Variants in THSD7B observed in about 807,000 individuals in gnomAD.
The protein encoded by THSD7B is thrombospondin type 1 domain containing 7B.
THSD7B carries 138 observed loss-of-function variants against 213.6 expected under a neutral mutation model. The ratio of observed to expected loss-of-function variants is 0.65; its 90% CI spans 0.56 to 0.74. THSD7B has a LOEUF of 0.74. THSD7B is among the 30% of genes least tolerant of loss of function. The pLI is 0.00. For missense variants in THSD7B, 1,931 were observed against 1,991.5 expected (o/e 0.97, Z 0.58); for synonymous variants, 742 against 687.0 (o/e 1.08, Z -1.25).
intron 12 of THSD7B, among the ~76,000 whole-genome samples, chr2:137,377,800 T>C (rs1355648308): frequency 2.6e-5 from 4 of 152,026 alleles, no homozygotes; most frequent in African/African-American, 9.7e-5. Flanking sequence ...CTAATTTTTG[T>C]GTCTTTAGTA....
chr2:137,649,011 G>A (rs565234770), intron 21 of THSD7B, among the ~76,000 whole-genome samples: 2 of 152,204 alleles, frequency 1.3e-5, no homozygotes, highest in East Asian at 3.9e-4. Context: ...ACATTTTTCT[G>A]ATAAGTACTA....
chr2:137,505,345 T>G (rs1679810029), intron 15 of THSD7B, among the ~76,000 whole-genome samples: 1 of 152,262 alleles, frequency 6.6e-6, no homozygotes, highest in African/African-American at 2.4e-5. Flanking sequence ...CATGAGCTTC[T>G]GTGGCTCCAA....
intron 12 of THSD7B, among the ~76,000 whole-genome samples, chr2:137,347,476 T>C (rs1684900006): frequency 6.6e-6 from 1 of 150,794 alleles, no homozygotes; most frequent in South Asian, 2.1e-4. Context: ...GGAGCTGGAG[T>C]GATGGTACCA....
At chr2:137,625,264 G>A (rs1231221322) in intron 20 of THSD7B, among the ~76,000 whole-genome samples, 1 of 139,636 alleles carries the variant, frequency 7.2e-6, no homozygotes, top group African/African-American at 2.7e-5. Context: ...TCACAGGTGG[G>A]AATTGAACAA....
In THSD7B at chr2:137,137,267, A is replaced by T. The variant is rs551943150; in HGVS notation, c.1369+21974A>T. Among the ~76,000 whole-genome samples the T allele has an allele frequency of 4.6e-5, 7 of 152,202 alleles. No homozygotes were observed. The East Asian group carries it at 1.2e-3, about 25-fold the overall frequency. Reference sequence around the variant, plus strand: ...AGAAGGTTTCCTTCCGCCCCTTCCCAGTTAACTCATTCCACTTCCAGTCCT... The same window carrying T: ...AGAAGGTTTCCTTCCGCCCCTTCCCTGTTAACTCATTCCACTTCCAGTCCT... On this transcript the variant is annotated intron_variant, in intron 5 of 27. Coordinates refer to ENST00000409968, the MANE Select transcript of THSD7B (RefSeq NM_001316349.2).
chr2:136,778,183 G>T (rs149330245), intron 1 of THSD7B, among the ~76,000 whole-genome samples: 114 of 152,200 alleles, frequency 7.5e-4, no homozygotes, highest in African/African-American at 2.7e-3. Flanking sequence ...AGATTAATTT[G>T]CTTTCTTCAC....
intron 9 of THSD7B, among the ~76,000 whole-genome samples, chr2:137,235,749 A>G (rs1350749550): frequency 6.6e-6 from 1 of 152,192 alleles, no homozygotes; most frequent in Non-Finnish European, 1.5e-5. Flanking sequence ...AAATATTATT[A>G]TTACAGTAAA....
chr2:137,012,650 C>T lies in THSD7B; in HGVS notation c.140-43770C>T, dbSNP rs549936596. On this transcript the variant is annotated intron_variant, in intron 2 of 27. Transcript: ENST00000409968. ...AGGCAATTATTGAATGTTGGAGAAC[C>T]AAACTCGAGGTCCTTTTAATGACAT... Among the ~76,000 whole-genome samples, 5 of 152,252 alleles carry T rather than the reference C, an allele frequency of 3.3e-5. No individual in the cohort carries two copies. The East Asian group carries it at 9.6e-4, about 29-fold the overall frequency.
intron 12 of THSD7B, among the ~76,000 whole-genome samples, chr2:137,325,463 G>C (rs1328386239): frequency 6.6e-6 from 1 of 152,020 alleles, no homozygotes; most frequent in Non-Finnish European, 1.5e-5. Context: ...TTCATGTATT[G>C]GTTGCCTGAC....
At chr2:137,350,056 A>G (rs1402746455) in intron 12 of THSD7B, among the ~76,000 whole-genome samples, 1 of 151,868 alleles carries the variant, frequency 6.6e-6, no homozygotes, top group Non-Finnish European at 1.5e-5. Context: ...AACTTATTTT[A>G]TAAATGTACT....
chr2:137,255,339 G>A (rs959299624), intron 10 of THSD7B, among the ~76,000 whole-genome samples: 2 of 152,068 alleles, frequency 1.3e-5, no homozygotes, highest in Admixed American at 6.6e-5. Flanking sequence ...CTGAGCAGAC[G>A]TATCCCAAAG....
chr2:137,644,351 C>G lies in THSD7B; in HGVS notation c.3945+1718C>G, dbSNP rs1035721893. Among the ~76,000 whole-genome samples, 6 of 152,154 alleles carry G rather than the reference C, an allele frequency of 3.9e-5. No homozygotes were observed. In the East Asian group the frequency reaches 1.2e-3, roughly 29 times the overall value. Reference sequence around the variant, plus strand: ...TACCCAAACAGTGCCAATCAGCATTCTTCCCCAATAATTTAAAATGAAATT... The same window carrying G: ...TACCCAAACAGTGCCAATCAGCATTGTTCCCCAATAATTTAAAATGAAATT... On this transcript the variant is annotated intron_variant, in intron 21 of 27. Coordinates refer to ENST00000409968, the MANE Select transcript of THSD7B (RefSeq NM_001316349.2).
chr2:137,470,910 C>CTTTTTTTT (rs70978226), intron 15 of THSD7B, among the ~76,000 whole-genome samples: 7 of 119,818 alleles, frequency 5.8e-5, no homozygotes, highest in African/African-American at 1.3e-4. Flanking sequence ...TTTTTCTTTA[C>CTTTTTTTT]TTTTTTTTTT....
At chr2:136,897,204 G>A (rs539079914) in intron 2 of THSD7B, among the ~76,000 whole-genome samples, 7 of 152,234 alleles carry the variant, frequency 4.6e-5, no homozygotes, top group South Asian at 2.1e-4. Flanking sequence ...TAATGTGTCC[G>A]TAACTGGTTC....
At chr2:136,894,951 ATC>A (rs1180473325) in intron 2 of THSD7B, among the ~76,000 whole-genome samples, 2 of 152,190 alleles carry the variant, frequency 1.3e-5, no homozygotes, top group Non-Finnish European at 2.9e-5. Flanking sequence ...CTGGGATTCT[ATC>A]CAAAGCAATT....
chr2:136,794,056 T>G (rs1234441858), intron 1 of THSD7B, among the ~76,000 whole-genome samples: 2 of 151,728 alleles, frequency 1.3e-5, no homozygotes, highest in African/African-American at 4.8e-5. Context: ...ATTATCTGTT[T>G]CCGTGTGGTG....
rs1040286521 is a variant in THSD7B, at chr2:136,810,618, G to A, written c.-36+44931G>A. Among the ~76,000 whole-genome samples the A allele has an allele frequency of 2.6e-5, 4 of 152,214 alleles. No homozygotes were observed. The East Asian group carries it at 5.8e-4, about 22-fold the overall frequency. The stretch of plus-strand genomic sequence containing the variant: ...GGTGCCAATGATGGGTTTCTTTACC[G>A]AAGGTTGATTCACTCTCATGGGTTT... On this transcript the variant is annotated intron_variant, in intron 1 of 27. Coordinates refer to ENST00000409968, the MANE Select transcript of THSD7B (RefSeq NM_001316349.2).
intron 15 of THSD7B, among the ~76,000 whole-genome samples, chr2:137,502,413 G>C (rs751951692): frequency 6.6e-5 from 10 of 152,036 alleles, no homozygotes; most frequent in Non-Finnish European, 1.5e-4. Flanking sequence ...GATAGAAAAA[G>C]AGAGAAAAAC....
intron 10 of THSD7B, among the ~76,000 whole-genome samples, chr2:137,269,484 T>C (rs1304705389): frequency 6.6e-6 from 1 of 152,234 alleles, no homozygotes; most frequent in Non-Finnish European, 1.5e-5. Flanking sequence ...TCTCCCTCCA[T>C]GTGAGGTGAA....
Sources: gnomAD v4.1 joint callset for allele counts (sites outside exome capture counted in the v4.1 genomes callset) on GRCh38, gnomAD v4.1.1 for gene constraint, MANE v1.5 for transcripts, NCBI Gene and HGNC (gene_info 2026-07-23, HGNC 2026-07-21) for gene names.